EPB41L4B: variants seen among roughly 807,000 people sequenced by gnomAD.
EPB41L4B encodes erythrocyte membrane protein band 4.1 like 4B.
Under a neutral mutation model 112.5 loss-of-function variants are expected in EPB41L4B, and 30 were observed. The ratio of observed to expected loss-of-function variants is 0.27; its 90% CI spans 0.20 to 0.36. The LOEUF is 0.36. Ranked by LOEUF, EPB41L4B falls within the 10% of genes least tolerant of loss-of-function variation. EPB41L4B has a pLI of 1.00. For missense variants in EPB41L4B, 1,024 were observed against 1,133.3 expected (o/e 0.90, Z 1.38); for synonymous variants, 408 against 439.7 (o/e 0.93, Z 0.90).
chr9:109,260,316 C>A (rs939010674), intron 6 of EPB41L4B, among the ~76,000 whole-genome samples: 2 of 152,050 alleles, frequency 1.3e-5, no homozygotes, highest in Admixed American at 6.5e-5. Flanking sequence ...GCGATCCGCC[C>A]ACCTCAGCCT....
At chr9:109,218,126 CTT>C (rs10654240) in intron 15 of EPB41L4B, among the ~76,000 whole-genome samples, 6 of 106,566 alleles carry the variant, frequency 5.6e-5, no homozygotes, top group Admixed American at 1.2e-4. Flanking sequence ...ACTAATAATT[CTT>C]TTTTTTTTTT....
intron 1 of EPB41L4B, among the ~76,000 whole-genome samples, chr9:109,281,734 T>C (rs200174488): frequency 7.8e-6 from 1 of 128,174 alleles, no homozygotes; most frequent in Non-Finnish European, 1.7e-5. Flanking sequence ...ATTAATTAAT[T>C]AATTTTAAAA....
chr9:109,264,890 G>A (rs1835344081), intron 5 of EPB41L4B, 90 bp downstream of exon 5: 1 of 1,233,804 alleles, frequency 8.1e-7, no homozygotes, highest in Non-Finnish European at 1.1e-6. Flanking sequence ...TTTGAAAAGG[G>A]AACAAGGGTA....
chr9:109,240,499 A>C, intron 15 of EPB41L4B: 1 of 985,390 alleles, frequency 1.0e-6, no homozygotes, highest in Non-Finnish European at 1.2e-6. Context: ...ATGGCACAAG[A>C]ATCAACTGAT....
chr9:109,230,698 T>C (rs529905574), intron 15 of EPB41L4B, among the ~76,000 whole-genome samples: 1 of 152,338 alleles, frequency 6.6e-6, no homozygotes, highest in African/African-American at 2.4e-5. Flanking sequence ...TGTACCTTTT[T>C]CATAATGGAT....
intron 19 of EPB41L4B, 40 bp downstream of exon 19, chr9:109,203,606 GATAATGTTGATGATACA>G: frequency 7.3e-7 from 1 of 1,364,114 alleles, no homozygotes; most frequent in South Asian, 1.2e-5. Context: ...ATGTTTCAAG[GATAATGTTGATGATACA>G]GAGAATATCA....
At chr9:109,288,749 A>AAAAAAAAAAAAAAAAAAC (rs1836405212) in intron 1 of EPB41L4B, among the ~76,000 whole-genome samples, 1 of 147,288 alleles carries the variant, frequency 6.8e-6, no homozygotes, top group Non-Finnish European at 1.5e-5. Flanking sequence ...AAAAAAAAAA[A>AAAAAAAAAAAAAAAAAAC]AAAAAGCTGG....
chr9:109,255,146 G>T (rs1834930542), intron 11 of EPB41L4B, among the ~76,000 whole-genome samples: 1 of 152,284 alleles, frequency 6.6e-6, no homozygotes, highest in East Asian at 1.9e-4. Context: ...GTCTAATATG[G>T]TAGCCACTAG....
At chr9:109,256,523 A>G in intron 7 of EPB41L4B, 43 bp from the exon 8 acceptor site, 4 of 1,564,142 alleles carry the variant, frequency 2.6e-6, no homozygotes, top group Non-Finnish European at 2.6e-6. Context: ...GCGACTCGTA[A>G]GCCCACAGGA....
At chr9:109,183,453 G>A (rs991330793) in intron 23 of EPB41L4B, among the ~76,000 whole-genome samples, 1 of 152,178 alleles carries the variant, frequency 6.6e-6, no homozygotes, top group African/African-American at 2.4e-5. Context: ...AGTACCTGTA[G>A]TACTGAGCTA....
intron 17 of EPB41L4B, among the ~76,000 whole-genome samples, chr9:109,211,428 C>T (rs575199259): frequency 2.6e-5 from 4 of 151,842 alleles, no homozygotes; most frequent in Admixed American, 2.0e-4. Context: ...AATCCCATGT[C>T]TACTAAAAAT....
At chr9:109,312,803 T>C (rs960867767) in intron 1 of EPB41L4B, among the ~76,000 whole-genome samples, 4 of 152,166 alleles carry the variant, frequency 2.6e-5, no homozygotes, top group African/African-American at 9.6e-5. Context: ...CTGAATCCCC[T>C]ACCCCAAGGA....
Position 109,208,097 on chromosome 9 carries a change from C to T in EPB41L4B, c.1753-48G>A, listed in dbSNP as rs1357361637. The T allele has an allele frequency of 2.5e-6, 4 of 1,609,934 alleles. No homozygotes were observed. The South Asian group carries it at 4.4e-5, about 18-fold the overall frequency. On this transcript the variant is annotated intron_variant, in intron 17 of 25. Coordinates refer to ENST00000374566, the MANE Select transcript of EPB41L4B (RefSeq NM_019114.5). ...CAGCAGATTGTAAACAAAGAGAGAA[C>T]CATGTGCATTAACTTTTCCCAATAA...
intron 15 of EPB41L4B, among the ~76,000 whole-genome samples, chr9:109,221,092 A>G (rs1299924529): frequency 6.6e-6 from 1 of 152,100 alleles, no homozygotes; most frequent in Admixed American, 6.6e-5. Context: ...CTTTCCCCCA[A>G]CTATTTATCC....
chr9:109,216,987 G>A lies in EPB41L4B; in HGVS notation c.1568C>T (p.Ser523Leu). The A allele has an allele frequency of 1.2e-6, 2 of 1,614,192 alleles. No homozygotes were observed. The highest frequency in any genetic ancestry group is 2.2e-5 in the East Asian group (1 of 44,886). ...CCCCTCTTTGTTCTCCAGGGTCAGTGAGAGGCTGTAGTTTGAGTGGTGCTG... is the reference window on the plus strand; with the variant it reads ...CCCCTCTTTGTTCTCCAGGGTCAGTAAGAGGCTGTAGTTTGAGTGGTGCTG... ...QHQHHSNYSL[S>L]LTLENKEGPL... The change falls in exon 16 of 26, where the codon TCA (serine) becomes TTA (leucine). Residue 523 changes from serine to leucine, a missense_variant. Coordinates refer to ENST00000374566, the MANE Select transcript of EPB41L4B (RefSeq NM_019114.5).
At chr9:109,276,310 A>AG (rs145004154) in intron 2 of EPB41L4B, among the ~76,000 whole-genome samples, 25,683 of 150,030 alleles carry the variant, frequency 0.17, 2,663 homozygotes, top group Non-Finnish European at 0.22. Context: ...ATGAAGGGTG[A>AG]GGGGGGGGTC....
At chr9:109,178,901 G>GCAAAAAA (rs1831944904) in intron 24 of EPB41L4B, among the ~76,000 whole-genome samples, 1 of 9,914 alleles carries the variant, frequency 1.0e-4, no homozygotes, top group African/African-American at 6.4e-4. Context: ...TATACTTCAA[G>GCAAAAAA]TAAAAAAAAA....
chr9:109,295,864 A>G (rs1836715272), intron 1 of EPB41L4B, among the ~76,000 whole-genome samples: 1 of 152,000 alleles, frequency 6.6e-6, no homozygotes, highest in Non-Finnish European at 1.5e-5. Context: ...GTGGCAAATC[A>G]GGAAAAAAAC....
At chr9:109,269,860 A>T (rs1255930662) in intron 2 of EPB41L4B, among the ~76,000 whole-genome samples, 1 of 152,174 alleles carries the variant, frequency 6.6e-6, no homozygotes, top group Non-Finnish European at 1.5e-5. Flanking sequence ...AGGACAGTGT[A>T]CTCCACACCT....
Sources: allele counts gnomAD v4.1 joint callset (sites outside exome capture counted in the v4.1 genomes callset), GRCh38; gene constraint gnomAD v4.1.1; transcripts MANE v1.5; gene names NCBI Gene and HGNC (gene_info 2026-07-23, HGNC 2026-07-21).